GRM7: variants seen among roughly 807,000 people sequenced by gnomAD.
GRM7 encodes glutamate metabotropic receptor 7.
GRM7 carries 35 observed loss-of-function variants against 84.5 expected under a neutral mutation model. The ratio of observed to expected loss-of-function variants is 0.41; its 90% CI spans 0.32 to 0.55. GRM7 has a LOEUF of 0.55. Among genes scored for constraint, GRM7 ranks in the 20% least tolerant of loss-of-function variants. The pLI is 0.19. For missense variants in GRM7, 1,003 were observed against 1,194.6 expected (o/e 0.84, Z 2.36); for synonymous variants, 487 against 455.1 (o/e 1.07, Z -0.89).
chr3:7,053,755 T>A (rs1697099643), intron 1 of GRM7, among the ~76,000 whole-genome samples: 2 of 151,636 alleles, frequency 1.3e-5, no homozygotes, highest in Admixed American at 1.3e-4. Flanking sequence ...TCACATTGTC[T>A]TGATTACTAC....
chr3:7,496,105 C>G (rs962844673), intron 7 of GRM7, among the ~76,000 whole-genome samples: 2 of 152,166 alleles, frequency 1.3e-5, no homozygotes, highest in Non-Finnish European at 2.9e-5. Flanking sequence ...GGGCAGAGAC[C>G]TGTAAGCAGC....
intron 1 of GRM7, among the ~76,000 whole-genome samples, chr3:6,982,076 A>C (rs1270091069): frequency 6.6e-6 from 1 of 152,208 alleles, no homozygotes; most frequent in Non-Finnish European, 1.5e-5. Context: ...CTGGATTAAG[A>C]AAATGTGGTA....
chr3:6,863,924 A>AC lies in GRM7; in HGVS notation c.519+2017_519+2018insC, dbSNP rs1225672268. 6.6e-6 allele frequency among the ~76,000 whole-genome samples: 1 copy of AC among 152,112 alleles called. No individual in the cohort carries two copies. Among genetic ancestry groups the AC allele is most frequent in the African/African-American group, 2.4e-5 (1 of 41,428 alleles). Reference sequence around the variant, plus strand: ...AAGAAAGGGGTTACAGACTAGGCTGAGGGACTGTGTTTGCTGAAAAATATT... The same window carrying AC: ...AAGAAAGGGGTTACAGACTAGGCTGACGGGACTGTGTTTGCTGAAAAATATT... On this transcript the variant is annotated intron_variant, in intron 1 of 9. Transcript: ENST00000357716. This position sits in a 1 kb window ranked among gnomAD's most constrained non-coding sequence, Gnocchi z 4.8.
chr3:6,920,036 C>A (rs1175088261), intron 1 of GRM7, among the ~76,000 whole-genome samples: 1 of 152,230 alleles, frequency 6.6e-6, no homozygotes, highest in Non-Finnish European at 1.5e-5. Flanking sequence ...CTTAGGGAGA[C>A]AAAGCTATCT....
rs765749370 is a variant in GRM7 at position 7,415,177 on chromosome 3, C to T, written c.1174+14C>T. ...GCAAATGCACAGGTAATTTAATTCT[C>T]GTTGTCCTTCTCCTATTACTCTACG... is the stretch of plus-strand genomic sequence containing the variant. On this transcript the variant is annotated intron_variant, in intron 5 of 9. Coordinates refer to ENST00000357716, the MANE Select transcript of GRM7 (RefSeq NM_000844.4). The T allele has an allele frequency of 1.5e-5, 24 of 1,608,482 alleles. No homozygotes were observed. The highest frequency in any genetic ancestry group is 3.3e-5 in the South Asian group (3 of 90,932).
chr3:7,565,540 G>A (rs1253563830), intron 7 of GRM7, among the ~76,000 whole-genome samples: 1 of 152,196 alleles, frequency 6.6e-6, no homozygotes, highest in South Asian at 2.1e-4. Flanking sequence ...TGACATGAAA[G>A]CCACTGTGGG....
chr3:6,983,886 C>A (rs1168215911), intron 1 of GRM7, among the ~76,000 whole-genome samples: 3 of 151,682 alleles, frequency 2.0e-5, no homozygotes, highest in Non-Finnish European at 4.4e-5. Context: ...TTACATCTAA[C>A]AATTAGATAT....
chr3:7,308,245 A>C (rs115821404), intron 4 of GRM7, among the ~76,000 whole-genome samples: 1 of 112,492 alleles, frequency 8.9e-6, no homozygotes, highest in Non-Finnish European at 1.8e-5. Context: ...ATTGACTTCT[A>C]TTTATTTTGG....
At chr3:7,522,997 GAA>G (rs1171791257) in intron 7 of GRM7, among the ~76,000 whole-genome samples, 1 of 152,116 alleles carries the variant, frequency 6.6e-6, no homozygotes, top group East Asian at 1.9e-4. Context: ...CCTCAAGAAA[GAA>G]AGAAGACTCC....
intron 1 of GRM7, among the ~76,000 whole-genome samples, chr3:7,083,670 G>A (rs1698345754): frequency 1.3e-5 from 2 of 152,170 alleles, no homozygotes; most frequent in South Asian, 4.1e-4. Context: ...TCCAGGTGCT[G>A]AGAATCTAGT....
At chr3:7,304,408 C>T (rs1219744737) in intron 3 of GRM7, among the ~76,000 whole-genome samples, 3 of 142,828 alleles carry the variant, frequency 2.1e-5, no homozygotes, top group African/African-American at 5.2e-5. Context: ...AGAACATTCT[C>T]ATTATTTACA....
chr3:7,461,494 G>A lies in GRM7; in HGVS notation c.1376-89G>A, dbSNP rs367626796. On this transcript the variant is annotated intron_variant, in intron 6 of 9. Transcript: ENST00000357716. ...ATATCTAGTAACTACCTTTCTCCTC[G>A]TTAAGTCTCTAGCCTGTCACCCATA... The A allele has an allele frequency of 1.5e-3, 1,628 of 1,109,520 alleles. 7 individuals carry two copies. Among genetic ancestry groups the A allele is most frequent in the Non-Finnish European group, 1.0e-3 (765 of 742,198 alleles). The allele number at this position is 1,109,520 out of a possible 1,614,324, so 68.7% of individuals were successfully genotyped here.
intron 9 of GRM7, among the ~76,000 whole-genome samples, chr3:7,703,479 C>T (rs535513699): frequency 6.6e-6 from 1 of 151,884 alleles, no homozygotes; most frequent in South Asian, 2.1e-4. Flanking sequence ...ACACCCTGGG[C>T]TGTGGTGTTT....
Position 7,328,712 on chromosome 3 carries a change from T to G in GRM7, c.1033+22060T>G, listed in dbSNP as rs546900583. 1.1e-4 allele frequency among the ~76,000 whole-genome samples: 16 copies of G among 152,326 alleles called. No individual in the cohort carries two copies. In the South Asian group the frequency reaches 3.1e-3, roughly 30 times the overall value. On this transcript the variant is annotated intron_variant, in intron 4 of 9. Coordinates refer to ENST00000357716, the MANE Select transcript of GRM7 (RefSeq NM_000844.4). ...CTCTTTAAGGTCTGTGAGTCACTAA[T>G]TCTATTTCTTGTAGCTAAATGCATT... is the stretch of plus-strand genomic sequence containing the variant.
chr3:7,038,925 C>T (rs1442805027), intron 1 of GRM7, among the ~76,000 whole-genome samples: 1 of 152,002 alleles, frequency 6.6e-6, no homozygotes, highest in East Asian at 1.9e-4. Context: ...GTGGGGTCAT[C>T]AGAGGGCAGC....
chr3:6,962,786 A>G (rs576639652), intron 1 of GRM7, among the ~76,000 whole-genome samples: 1 of 152,330 alleles, frequency 6.6e-6, no homozygotes, highest in South Asian at 2.1e-4. Flanking sequence ...GCAGTGAAGG[A>G]GGGGGACAGT....
intron 1 of GRM7, among the ~76,000 whole-genome samples, chr3:7,143,095 G>C (rs1167111867): frequency 6.6e-6 from 1 of 152,156 alleles, no homozygotes; most frequent in Non-Finnish European, 1.5e-5. Flanking sequence ...ACTGGCAAGA[G>C]AGAAAAGGTC....
intron 1 of GRM7, among the ~76,000 whole-genome samples, chr3:6,908,898 TGG>T (rs1696672853): frequency 6.6e-6 from 1 of 152,140 alleles, no homozygotes; most frequent in South Asian, 2.1e-4. Flanking sequence ...GATGGATTTC[TGG>T]CTAGGTAAGT....
At chr3:6,978,556 T>A (rs1003681590) in intron 1 of GRM7, among the ~76,000 whole-genome samples, 2 of 152,130 alleles carry the variant, frequency 1.3e-5, no homozygotes, top group Non-Finnish European at 2.9e-5. Context: ...AATAATTTAC[T>A]ATAAAAAGAG....
Sources: gnomAD v4.1 joint callset for allele counts (sites outside exome capture counted in the v4.1 genomes callset) on GRCh38, gnomAD v4.1.1 for gene constraint, Gnocchi (gnomAD v3.1) non-coding constraint, MANE v1.5 for transcripts, NCBI Gene and HGNC (gene_info 2026-07-23, HGNC 2026-07-21) for gene names.